Variants in C11orf65 observed in about 807,000 individuals in gnomAD.
The protein encoded by C11orf65 is chromosome 11 open reading frame 65.
A neutral mutation model predicts 35.3 loss-of-function variants in C11orf65; 38 were observed. That is an observed-to-expected ratio of 1.08 (90% confidence interval 0.83 to 1.41). The LOEUF (loss-of-function observed/expected upper bound fraction) is 1.41. C11orf65 is among the 40% of genes most tolerant of loss of function. The pLI, the probability that C11orf65 is intolerant of heterozygous loss-of-function variation, is 0.00. For synonymous variants in C11orf65, 105 were observed against 114.4 expected (o/e 0.92, Z 0.53); for missense variants, 370 against 367.1 (o/e 1.01, Z -0.06).
intron 2 of C11orf65, among the ~76,000 whole-genome samples, chr11:108,432,274 T>G (rs575107248): frequency 3.9e-5 from 6 of 152,296 alleles, no homozygotes; most frequent in Admixed American, 2.6e-4. Flanking sequence ...AACTATAAAG[T>G]GGGAATGATA....
intron 2 of C11orf65, among the ~76,000 whole-genome samples, chr11:108,432,634 C>T (rs1003527891): frequency 2.0e-5 from 3 of 152,114 alleles, no homozygotes; most frequent in East Asian, 3.9e-4. Flanking sequence ...TCCCCATTTG[C>T]TTATGTTAAA....
At chr11:108,329,798 T>G (rs2086065281), downstream of C11orf65, among the ~76,000 whole-genome samples, 1 of 152,256 alleles carries the variant, frequency 6.6e-6, no homozygotes, top group African/African-American at 2.4e-5. Context: ...TGCTTCTAAG[T>G]TCATTGTGGA....
At chr11:108,393,165 T>A (rs768303125) in intron 7 of C11orf65, 43 bp downstream of exon 7, 1 of 1,543,244 alleles carries the variant, frequency 6.5e-7, no homozygotes, top group South Asian at 1.3e-5. Context: ...AAAAAAACTA[T>A]GATGACTGCC....
At chr11:108,381,938 C>G (rs1457852825), downstream of C11orf65, among the ~76,000 whole-genome samples, 1 of 33,256 alleles carries the variant, frequency 3.0e-5, no homozygotes. Flanking sequence ...CCTCCTTGCT[C>G]TCTCTCTCTC....
chr11:108,447,727 A>G (rs2093284584), intron 2 of C11orf65, among the ~76,000 whole-genome samples: 1 of 152,184 alleles, frequency 6.6e-6, no homozygotes, highest in South Asian at 2.1e-4. Flanking sequence ...TAAAACAACT[A>G]GAAAAGCAAG....
At chr11:108,330,356 G>A (rs587779864), downstream of C11orf65, 9 of 1,614,164 alleles carry the variant, frequency 5.6e-6, no homozygotes, top group Non-Finnish European at 7.6e-6. Flanking sequence ...TGATATGTGG[G>A]TATTCCGACT....
chr11:108,449,835 C>T (rs2093321512), intron 2 of C11orf65, among the ~76,000 whole-genome samples: 1 of 151,934 alleles, frequency 6.6e-6, no homozygotes, highest in Non-Finnish European at 1.5e-5. Context: ...AAACTACCAT[C>T]AGAGTGAACA....
chr11:108,411,476 T>G (rs919506996), intron 3 of C11orf65, among the ~76,000 whole-genome samples: 2 of 152,216 alleles, frequency 1.3e-5, no homozygotes, highest in Non-Finnish European at 2.9e-5. Flanking sequence ...GCAAAAGTAG[T>G]GACAGCGTTC....
chr11:108,319,879 T>C, intron 6 of C11orf65: 1 of 1,045,182 alleles, frequency 9.6e-7, no homozygotes, highest in Non-Finnish European at 1.5e-6. Flanking sequence ...TTTTGTCCTT[T>C]GGTGAAGCTA....
At chr11:108,316,913 G>A (rs1481101093) in intron 6 of C11orf65, among the ~76,000 whole-genome samples, 1 of 151,758 alleles carries the variant, frequency 6.6e-6, no homozygotes, top group African/African-American at 2.4e-5. Context: ...GCAATAGAGC[G>A]AGACTCCATC....
At chr11:108,352,823 C>T (rs1008599227) in intron 2 of C11orf65, among the ~76,000 whole-genome samples, 2 of 152,270 alleles carry the variant, frequency 1.3e-5, no homozygotes, top group East Asian at 3.9e-4. Context: ...AGGTTACATA[C>T]TGTATGATTA....
intron 6 of C11orf65, among the ~76,000 whole-genome samples, chr11:108,394,283 A>G (rs2092253276): frequency 6.6e-6 from 1 of 151,914 alleles, no homozygotes. Context: ...ATATCATTCA[A>G]AGCTGGGCAC....
rs550808626 is a variant in C11orf65, at chr11:108,444,909, T to C, written c.82-13071A>G. ...AAAATCCAGTCACTTCCCATCCTAA[T>C]ACTGCACTTTTGCAACGGGCTTAAA... On this transcript the variant is annotated intron_variant, in intron 2 of 8. Transcript: ENST00000393084. Among the ~76,000 whole-genome samples, 56 of 152,296 alleles carry C rather than the reference T, an allele frequency of 3.7e-4. No homozygotes were observed. The South Asian group carries it at 3.9e-3, about 11-fold the overall frequency.
chr11:108,448,256 A>T (rs951646163), intron 2 of C11orf65, among the ~76,000 whole-genome samples: 1 of 152,236 alleles, frequency 6.6e-6, no homozygotes, highest in Non-Finnish European at 1.5e-5. Context: ...TCAATAGAAA[A>T]AGAGGGAATC....
At chr11:108,433,138 T>C (rs1011276069) in intron 2 of C11orf65, among the ~76,000 whole-genome samples, 1 of 152,078 alleles carries the variant, frequency 6.6e-6, no homozygotes, top group Non-Finnish European at 1.5e-5. Context: ...CAGTTTGAGC[T>C]TCTTCATAGT....
chr11:108,375,078 G>T (rs887759237), intron 2 of C11orf65, among the ~76,000 whole-genome samples: 1 of 152,206 alleles, frequency 6.6e-6, no homozygotes, highest in Admixed American at 6.5e-5. Context: ...ATATTATCCA[G>T]GAGAACTTCC....
At chr11:108,330,180 G>A (rs756849599), downstream of C11orf65, 9 of 1,595,860 alleles carry the variant, frequency 5.6e-6, no homozygotes, top group South Asian at 1.0e-4. Flanking sequence ...AAAGTTCATG[G>A]CTTTTGTGTT....
intron 3 of C11orf65, chr11:108,332,030 T>C: frequency 6.2e-7 from 1 of 1,613,824 alleles, no homozygotes; most frequent in East Asian, 2.2e-5. Flanking sequence ...AGCTCTCAGC[T>C]TGATGAGGTA....
At chr11:108,330,694 G>A (rs2086161851), downstream of C11orf65, among the ~76,000 whole-genome samples, 2 of 152,184 alleles carry the variant, frequency 1.3e-5, 1 homozygote, top group South Asian at 4.1e-4. Flanking sequence ...ATTTAGCTTG[G>A]TCCTATGTCT....
Sources: allele counts gnomAD v4.1 joint callset (sites outside exome capture counted in the v4.1 genomes callset), GRCh38; gene constraint gnomAD v4.1.1; transcripts MANE v1.5; gene names NCBI Gene and HGNC (gene_info 2026-07-23, HGNC 2026-07-21).